Variants in CSMD1 observed in about 807,000 individuals in gnomAD.
The protein encoded by CSMD1 is CUB and Sushi multiple domains 1.
Under a neutral mutation model 417.5 loss-of-function variants are expected in CSMD1, and 213 were observed. The observed-to-expected ratio is 0.51, with a 90% confidence interval of 0.46 to 0.57. The LOEUF (loss-of-function observed/expected upper bound fraction) is 0.57. CSMD1 is among the 20% of genes least tolerant of loss of function. CSMD1 has a pLI of 0.00. For missense variants in CSMD1, 6,923 were observed against 4,529.7 expected (o/e 1.53, Z -15.17); for synonymous variants, 2,862 against 1,736.8 (o/e 1.65, Z -16.11).
At chr8:3,590,591 A>T (rs1023713518) in intron 8 of CSMD1, among the ~76,000 whole-genome samples, 1 of 152,188 alleles carries the variant, frequency 6.6e-6, no homozygotes, top group Non-Finnish European at 1.5e-5. Context: ...ACATTCCATA[A>T]TTACGATCAT....
chr8:3,656,259 G>A (rs1387488743), intron 7 of CSMD1, among the ~76,000 whole-genome samples: 5 of 152,178 alleles, frequency 3.3e-5, no homozygotes, highest in Non-Finnish European at 7.3e-5. Context: ...AAGGAAAGGA[G>A]AAAGTCAAAC....
intron 5 of CSMD1, among the ~76,000 whole-genome samples, chr8:3,926,264 G>A (rs1809719552): frequency 6.6e-6 from 1 of 152,068 alleles, no homozygotes; most frequent in Non-Finnish European, 1.5e-5. Context: ...CACAATCCAT[G>A]TCCTCTCTAA....
intron 5 of CSMD1, among the ~76,000 whole-genome samples, chr8:3,774,509 G>A (rs2720764): frequency 0.13 from 20,518 of 152,104 alleles, 1,461 homozygotes; most frequent in East Asian, 0.29. Context: ...TAAATAGAAA[G>A]ATGCTGAATA....
intron 3 of CSMD1, among the ~76,000 whole-genome samples, chr8:4,098,178 A>G (rs918999521): frequency 6.6e-6 from 1 of 152,194 alleles, no homozygotes; most frequent in Non-Finnish European, 1.5e-5. Context: ...TTGCAGCTTT[A>G]GAATAAAGCT....
At chr8:3,374,224 G>A (rs765701570) in intron 18 of CSMD1, among the ~76,000 whole-genome samples, 17 of 152,206 alleles carry the variant, frequency 1.1e-4, no homozygotes, top group Middle Eastern at 3.4e-3. Context: ...CTCCCAATGT[G>A]CTGAGATTAC....
chr8:3,801,495 A>C (rs1251912723), intron 5 of CSMD1, among the ~76,000 whole-genome samples: 1 of 152,156 alleles, frequency 6.6e-6, no homozygotes. Context: ...GGATGTAGAG[A>C]ATTGGAACCC....
intron 3 of CSMD1, among the ~76,000 whole-genome samples, chr8:4,364,321 A>T (rs964718519): frequency 1.3e-5 from 2 of 152,182 alleles, no homozygotes; most frequent in Non-Finnish European, 2.9e-5. Flanking sequence ...TGATAAGACT[A>T]GGGCCCTTAA....
chr8:3,187,039 C>G (rs1388512048), intron 36 of CSMD1, among the ~76,000 whole-genome samples: 1 of 152,210 alleles, frequency 6.6e-6, no homozygotes, highest in African/African-American at 2.4e-5. Flanking sequence ...GCCACTGCAC[C>G]TGGCCATACT....
intron 65 of CSMD1, 42 bp from the exon 66 acceptor site, chr8:2,951,317 A>T: frequency 6.4e-7 from 1 of 1,555,656 alleles, no homozygotes; most frequent in Non-Finnish European, 8.7e-7. Flanking sequence ...GCACACACAC[A>T]AACAATAAAT....
chr8:3,589,691 G>A (rs925895455), intron 8 of CSMD1, among the ~76,000 whole-genome samples: 1 of 152,110 alleles, frequency 6.6e-6, no homozygotes, highest in Admixed American at 6.6e-5. Flanking sequence ...ACACAGCATG[G>A]TGACTGTAGT....
intron 3 of CSMD1, among the ~76,000 whole-genome samples, chr8:4,220,205 C>T (rs1053002768): frequency 1.3e-5 from 2 of 152,228 alleles, no homozygotes; most frequent in Non-Finnish European, 2.9e-5. Context: ...CTCGCCTTCG[C>T]CTCTCAGAGT....
At chr8:4,124,931 C>T (rs1020004740) in intron 3 of CSMD1, among the ~76,000 whole-genome samples, 1 of 152,130 alleles carries the variant, frequency 6.6e-6, no homozygotes, top group Non-Finnish European at 1.5e-5. Flanking sequence ...AAGCCAGAAA[C>T]AGCAACTCTT....
chr8:3,786,789 C>T (rs1584996964), intron 5 of CSMD1, among the ~76,000 whole-genome samples: 1 of 152,142 alleles, frequency 6.6e-6, no homozygotes, highest in Non-Finnish European at 1.5e-5. Flanking sequence ...CCCCTTGCGT[C>T]CTCAGGTGGT....
In CSMD1 at chr8:3,838,944, AAATT is replaced by A. The variant is rs1239152381; in HGVS notation, c.819-84906_819-84903del. ...AGTCTCTCTATTTATATATAATAAA[AAATT>A]AATATCTATAAATTAATATTATATA... On this transcript the variant is annotated intron_variant, in intron 5 of 69. Transcript: ENST00000635120. Among the ~76,000 whole-genome samples the A allele has an allele frequency of 8.6e-3, 454 of 52,804 alleles. 18 individuals carry two copies. Among genetic ancestry groups the A allele is most frequent in the African/African-American group, 0.049 (431 of 8,820 alleles). The allele number at this position is 52,804 out of a possible 152,430, so 34.6% of individuals were successfully genotyped here. A position where few individuals can be genotyped will look rare whatever the true frequency, so the allele number is the denominator to read the frequency against.
At chr8:3,618,763 C>T (rs184480992) in intron 7 of CSMD1, among the ~76,000 whole-genome samples, 1 of 152,242 alleles carries the variant, frequency 6.6e-6, no homozygotes, top group East Asian at 1.9e-4. Context: ...AAAAGATGTT[C>T]AAAATAGGAC....
At chr8:4,384,296 T>G (rs987656029) in intron 3 of CSMD1, among the ~76,000 whole-genome samples, 1 of 152,054 alleles carries the variant, frequency 6.6e-6, no homozygotes, top group Admixed American at 6.5e-5. Context: ...CCAATTAAGA[T>G]CCATAAAGGG....
chr8:3,339,625 C>T (rs1294669028), intron 23 of CSMD1, among the ~76,000 whole-genome samples: 7 of 152,218 alleles, frequency 4.6e-5, no homozygotes, highest in Admixed American at 3.9e-4. Flanking sequence ...CAGAGGGCTA[C>T]TCTGATATCC....
At chr8:3,789,260 T>C (rs1026905005) in intron 5 of CSMD1, among the ~76,000 whole-genome samples, 10 of 152,092 alleles carry the variant, frequency 6.6e-5, no homozygotes, top group Non-Finnish European at 1.5e-4. Flanking sequence ...GTTTTGGACT[T>C]CCCAGCCTCC....
intron 7 of CSMD1, among the ~76,000 whole-genome samples, chr8:3,625,153 C>G (rs1796435177): frequency 6.6e-6 from 1 of 151,918 alleles, no homozygotes. Context: ...TAGTAGTAAA[C>G]AAATGTTTAC....
Sources: gnomAD v4.1 joint callset for allele counts (sites outside exome capture counted in the v4.1 genomes callset) on GRCh38, gnomAD v4.1.1 for gene constraint, MANE v1.5 for transcripts, NCBI Gene and HGNC (gene_info 2026-07-23, HGNC 2026-07-21) for gene names.